Variants in TMC5 observed in about 807,000 individuals in gnomAD.
The protein encoded by TMC5 is transmembrane channel like 5, also known as transmembrane channel-like protein 5.
In TMC5, 86 loss-of-function variants were observed where a neutral mutation model predicts 110.5. The ratio of observed to expected loss-of-function variants is 0.78; its 90% CI spans 0.65 to 0.93. The LOEUF is 0.93. Among genes scored for constraint, TMC5 ranks in the 40% least tolerant of loss-of-function variants. TMC5 has a pLI of 0.00. For synonymous variants in TMC5, 455 were observed against 439.5 expected (o/e 1.04, Z -0.44); for missense variants, 1,144 against 1,222.8 (o/e 0.94, Z 0.96).
At chr16:19,438,187 T>C (rs1597169332) in intron 2 of TMC5, among the ~76,000 whole-genome samples, 1 of 145,100 alleles carries the variant, frequency 6.9e-6, no homozygotes, top group Non-Finnish European at 1.5e-5. Context: ...AGCTCAGGAG[T>C]TCAAGATCAG....
chr16:19,445,772 C>A (rs1967600440), intron 4 of TMC5, among the ~76,000 whole-genome samples: 1 of 151,882 alleles, frequency 6.6e-6, no homozygotes, highest in African/African-American at 2.4e-5. Flanking sequence ...TGGAAGAAGG[C>A]AGAGAGGAGG....
intron 13 of TMC5, among the ~76,000 whole-genome samples, chr16:19,478,582 T>G (rs915190905): frequency 6.6e-6 from 1 of 152,038 alleles, no homozygotes; most frequent in Non-Finnish European, 1.5e-5. Flanking sequence ...ACTTATCCAT[T>G]TATCCATCCA....
chr16:19,442,407 C>G (rs1248119246), intron 3 of TMC5, among the ~76,000 whole-genome samples: 1 of 150,370 alleles, frequency 6.7e-6, no homozygotes, highest in Non-Finnish European at 1.5e-5. Flanking sequence ...TGGCTCACTG[C>G]AACCTCCATC....
At chr16:19,431,855 A>T (rs1157930640) in intron 2 of TMC5, among the ~76,000 whole-genome samples, 1 of 152,178 alleles carries the variant, frequency 6.6e-6, no homozygotes, top group Non-Finnish European at 1.5e-5. Context: ...GATCTAAAGC[A>T]TTCTTTGTGA....
chr16:19,491,480 C>G (rs7193317), intron 18 of TMC5, among the ~76,000 whole-genome samples: 81,223 of 150,850 alleles, frequency 0.54, 23,852 homozygotes, highest in South Asian at 0.73. Flanking sequence ...AGCAAGACCC[C>G]ATCACTGGGG....
intron 18 of TMC5, among the ~76,000 whole-genome samples, chr16:19,490,979 C>T (rs372738398): frequency 4.9e-4 from 10 of 20,340 alleles, no homozygotes; most frequent in South Asian, 3.5e-3. Context: ...CCTTCCCTTC[C>T]CCTTCTCCTT....
At chr16:19,441,149 G>A (rs976508767) in intron 3 of TMC5, among the ~76,000 whole-genome samples, 2 of 152,056 alleles carry the variant, frequency 1.3e-5, no homozygotes, top group African/African-American at 2.4e-5. Flanking sequence ...AGCCAACAAG[G>A]TTAAGACTTG....
intron 1 of TMC5, among the ~76,000 whole-genome samples, chr16:19,425,024 A>T (rs1034056047): frequency 1.3e-5 from 2 of 152,136 alleles, no homozygotes; most frequent in African/African-American, 4.8e-5. Flanking sequence ...TTTCCAAGGG[A>T]TTAGGAGCTC....
At chr16:19,453,628 C>A (rs1967799050) in intron 5 of TMC5, among the ~76,000 whole-genome samples, 4 of 151,672 alleles carry the variant, frequency 2.6e-5, no homozygotes, top group African/African-American at 2.4e-5. Context: ...ATTAGCCAGG[C>A]CTGGTGGCGT....
upstream of TMC5, among the ~76,000 whole-genome samples, chr16:19,416,831 TG>T (rs1262666505): frequency 2.0e-5 from 3 of 152,110 alleles, no homozygotes; most frequent in African/African-American, 7.2e-5. Context: ...CAGTGGCTCA[TG>T]CCTGTAATCC....
chr16:19,425,070 A>C (rs1223754532), intron 1 of TMC5, among the ~76,000 whole-genome samples: 1 of 152,224 alleles, frequency 6.6e-6, no homozygotes, highest in South Asian at 2.1e-4. Flanking sequence ...CAAATACTAG[A>C]ACAAAAGACA....
At chr16:19,492,355 A>G in intron 19 of TMC5, 127 bp downstream of exon 19, 2 of 499,752 alleles carry the variant, frequency 4.0e-6, no homozygotes, top group South Asian at 4.6e-5. Flanking sequence ...AACAACCATC[A>G]ATGTTTTTAT....
intron 14 of TMC5, among the ~76,000 whole-genome samples, chr16:19,480,294 A>G (rs1968586262): frequency 6.6e-6 from 1 of 152,122 alleles, no homozygotes; most frequent in African/African-American, 2.4e-5. Flanking sequence ...TCACTGTCCC[A>G]TGTCTGGTTT....
chr16:19,466,316 T>C, intron 9 of TMC5, 83 bp downstream of exon 9: 1 of 1,479,934 alleles, frequency 6.8e-7, no homozygotes, highest in South Asian at 1.2e-5. Context: ...ATTACCCAGG[T>C]AACAGTTTCT....
chr16:19,421,079 C>G (rs1966972137), intron 1 of TMC5, among the ~76,000 whole-genome samples: 1 of 152,088 alleles, frequency 6.6e-6, no homozygotes, highest in Non-Finnish European at 1.5e-5. Flanking sequence ...CTCATGGACA[C>G]CTGGATCGCA....
chr16:19,434,343 TTA>T (rs1233196809), intron 2 of TMC5, among the ~76,000 whole-genome samples: 1 of 122,196 alleles, frequency 8.2e-6, no homozygotes, highest in Admixed American at 1.0e-4. Context: ...ATAATATATA[TTA>T]TATGATCTAT....
At chr16:19,423,036 A>G (rs1158083914) in intron 1 of TMC5, among the ~76,000 whole-genome samples, 3 of 152,192 alleles carry the variant, frequency 2.0e-5, no homozygotes, top group Non-Finnish European at 4.4e-5. Context: ...AGGCAGGAGG[A>G]TCGATGGAGC....
Position 19,490,554 on chromosome 16 carries a change from C to T in TMC5, c.2733C>T (p.Leu911=), listed in dbSNP as rs1384633350. The change falls in exon 18 of 22, where the codon CTC becomes CTT. Residue 911 remains leucine (L), a synonymous_variant. Coordinates refer to ENST00000542583, the MANE Select transcript of TMC5 (RefSeq NM_001261841.2). ...GAAGTGTGCACTTCTTTTTCATCCT[C>T]ACCCTCATTGTGCTGTGAGTGTGGT... The part of the protein sequence containing the change: ...LIGSVHFFFI[L]TLIVLIITYL... The T allele has an allele frequency of 1.2e-6, 2 of 1,614,134 alleles. No individual in the cohort carries two copies. Among genetic ancestry groups the T allele is most frequent in the South Asian group, 2.2e-5 (2 of 91,082 alleles).
chr16:19,472,026 G>A, intron 10 of TMC5, 62 bp from the exon 11 acceptor site: 1 of 1,563,576 alleles, frequency 6.4e-7, no homozygotes, highest in Non-Finnish European at 8.7e-7. Flanking sequence ...CTCCCAAAGT[G>A]CTGGGATTAC....
Sources: allele counts gnomAD v4.1 joint callset (sites outside exome capture counted in the v4.1 genomes callset), GRCh38; gene constraint gnomAD v4.1.1; transcripts MANE v1.5; gene names NCBI Gene and HGNC (gene_info 2026-07-23, HGNC 2026-07-21).